Variants in EFL1 observed in about 807,000 individuals in gnomAD.
EFL1 encodes the protein elongation factor-like GTPase 1.
In EFL1, 76 loss-of-function variants were observed where a neutral mutation model predicts 126.7. The observed-to-expected ratio is 0.60, with a 90% CI of 0.50 to 0.73. The LOEUF (loss-of-function observed/expected upper bound fraction) is 0.73, where lower values mean the gene tolerates loss of function less well. Ranked by LOEUF, EFL1 falls within the 30% of genes least tolerant of loss-of-function variation. EFL1 has a pLI of 0.00. For missense variants in EFL1, 1,128 were observed against 1,343.2 expected (o/e 0.84, Z 2.50); for synonymous variants, 410 against 448.4 (o/e 0.91, Z 1.08).
intron 18 of EFL1, among the ~76,000 whole-genome samples, chr15:82,150,407 TTA>T (rs1307046623): frequency 6.6e-6 from 1 of 152,230 alleles, no homozygotes; most frequent in Non-Finnish European, 1.5e-5. Flanking sequence ...CAATCCTCCT[TTA>T]TATTCTCTTC....
At chr15:82,157,438 G>A (rs2073979583) in intron 17 of EFL1, 1 of 262,928 alleles carries the variant, frequency 3.8e-6, no homozygotes, top group Admixed American at 4.8e-5. Flanking sequence ...TATTTTGTGT[G>A]TTTTGTGTAC....
intron 18 of EFL1, among the ~76,000 whole-genome samples, chr15:82,145,303 CAAAA>C (rs59928134): frequency 2.1e-5 from 2 of 96,492 alleles, no homozygotes; most frequent in Non-Finnish European, 4.3e-5. Context: ...AACTCTGTCT[CAAAA>C]AAAAAAAAAA....
intron 15 of EFL1, among the ~76,000 whole-genome samples, chr15:82,174,058 G>A (rs887416081): frequency 6.6e-6 from 1 of 152,058 alleles, no homozygotes; most frequent in Non-Finnish European, 1.5e-5. Context: ...AGGTGGTGGC[G>A]GAAGCCTATA....
chr15:82,241,895 C>A (rs1294822729), intron 4 of EFL1, among the ~76,000 whole-genome samples: 1 of 152,186 alleles, frequency 6.6e-6, no homozygotes. Context: ...AAGATTTAGA[C>A]TCAATTCTAC....
chr15:82,239,935 T>C (rs1385530969), intron 6 of EFL1, among the ~76,000 whole-genome samples: 1 of 152,180 alleles, frequency 6.6e-6, no homozygotes, highest in African/African-American at 2.4e-5. Flanking sequence ...TCCAAATATC[T>C]CTTTGTCTCC....
intron 4 of EFL1, among the ~76,000 whole-genome samples, chr15:82,243,738 C>A (rs1185766160): frequency 6.9e-6 from 1 of 145,800 alleles, no homozygotes; most frequent in Admixed American, 6.9e-5. Context: ...GTCAGAAAAA[C>A]GAATACCTAT....
intron 2 of EFL1, among the ~76,000 whole-genome samples, chr15:82,260,877 T>C (rs147677794): frequency 1.3e-5 from 2 of 152,344 alleles, no homozygotes; most frequent in East Asian, 1.9e-4. Context: ...TTTTATTTCA[T>C]ATGCCCATCC....
Position 82,163,786 on chromosome 15 carries a change from T to C in EFL1, c.1882+67A>G, listed in dbSNP as rs1275956224. Reference sequence around the variant, plus strand: ...CTGAAACAAGTCATGAGGAATCAAATACTAAATACATGCATATGCTTTAAA... The same window carrying C: ...CTGAAACAAGTCATGAGGAATCAAACACTAAATACATGCATATGCTTTAAA... On this transcript the variant is annotated intron_variant, in intron 16 of 19. Coordinates refer to ENST00000268206, the MANE Select transcript of EFL1 (RefSeq NM_024580.6). The C allele has an allele frequency of 3.9e-6, 6 of 1,552,008 alleles. No individual in the cohort carries two copies. In the East Asian group the frequency reaches 1.4e-4, roughly 36 times the overall value.
At chr15:82,229,132 C>A in intron 8 of EFL1, 22 bp from the exon 9 acceptor site, 1 of 1,583,726 alleles carries the variant, frequency 6.3e-7, no homozygotes, top group Admixed American at 1.8e-5. Flanking sequence ...AACATACGGG[C>A]TTAAGTTCCT....
intron 15 of EFL1, among the ~76,000 whole-genome samples, chr15:82,208,530 C>T (rs1417305486): frequency 6.6e-6 from 1 of 152,000 alleles, no homozygotes; most frequent in African/African-American, 2.4e-5. Flanking sequence ...TATTATGATA[C>T]CAAGAAACTA....
intron 14 of EFL1, among the ~76,000 whole-genome samples, chr15:82,218,955 G>T (rs28665836): frequency 0.45 from 68,349 of 151,742 alleles, 17,990 homozygotes; most frequent in African/African-American, 0.73. Flanking sequence ...GAGGAGCATG[G>T]GTTTTTGTGC....
chr15:82,253,040 G>C lies in EFL1; in HGVS notation c.160-265C>G, dbSNP rs370954029. On this transcript the variant is annotated intron_variant, in intron 3 of 19. Coordinates refer to ENST00000268206, the MANE Select transcript of EFL1 (RefSeq NM_024580.6). ...CAATACTTAAATTTTAACCTATATA[G>C]AGCCTTTTTTTTTTTTGAGACAGAG... Among the ~76,000 whole-genome samples, 3 of 150,150 alleles carry C rather than the reference G, an allele frequency of 2.0e-5. No homozygotes were observed. The South Asian group carries it at 6.3e-4, about 31-fold the overall frequency.
chr15:82,216,932 G>C (rs2074653593), intron 14 of EFL1, among the ~76,000 whole-genome samples: 1 of 151,862 alleles, frequency 6.6e-6, no homozygotes, highest in African/African-American at 2.4e-5. Context: ...AACTGACAAG[G>C]AATTAGTATC....
chr15:82,262,085 C>T, intron 1 of EFL1: 2 of 268,990 alleles, frequency 7.4e-6, no homozygotes, highest in Non-Finnish European at 7.1e-6. Flanking sequence ...ACCAGTAACC[C>T]TGCCGGTGGA....
chr15:82,198,898 G>T (rs1375008396), intron 15 of EFL1, among the ~76,000 whole-genome samples: 2 of 152,058 alleles, frequency 1.3e-5, no homozygotes, highest in Middle Eastern at 3.2e-3. Flanking sequence ...CCCAGTATGA[G>T]AAACCTAACC....
chr15:82,225,178 G>C lies in EFL1; in HGVS notation c.1279C>G (p.Gln427Glu), dbSNP rs1384843755. The C allele has an allele frequency of 6.2e-7, 1 of 1,609,198 alleles. No individual in the cohort carries two copies. The highest frequency in any genetic ancestry group is 1.1e-5 in the South Asian group (1 of 90,190). Reference protein sequence around the residue: ...MFAVDAKALPQNKPRPLTQEE... With the variant: ...MFAVDAKALPENKPRPLTQEE... Reference sequence around the variant, plus strand: ...CCTTTCCCTTACCTTGGCTTATTCTGAGGCAAGGCCTTAGCATCAACTGCA... The same window carrying C: ...CCTTTCCCTTACCTTGGCTTATTCTCAGGCAAGGCCTTAGCATCAACTGCA... The change falls in exon 12 of 20, where the codon CAG becomes GAG. Residue 427 changes from glutamine to glutamate, a missense_variant. Gln to Glu is a conservative substitution (Grantham distance 29, BLOSUM62 2). Around this residue, in one of 6 missense-constraint regions of EFL1, gnomAD observed 10 missense variants for 32.2 expected, o/e 0.31. Transcript: ENST00000268206.
chr15:82,175,311 A>G (rs1453412791), intron 15 of EFL1, among the ~76,000 whole-genome samples: 1 of 152,164 alleles, frequency 6.6e-6, no homozygotes, highest in Non-Finnish European at 1.5e-5. Context: ...CAATATTAGA[A>G]TGTTAACTAA....
chr15:82,227,117 G>A (rs958487997), intron 11 of EFL1, among the ~76,000 whole-genome samples: 1 of 152,182 alleles, frequency 6.6e-6, no homozygotes, highest in Non-Finnish European at 1.5e-5. Context: ...AGAACTGGAG[G>A]AAAAGAATTA....
At chr15:82,154,915 C>A (rs1362085999) in intron 17 of EFL1, among the ~76,000 whole-genome samples, 1 of 152,144 alleles carries the variant, frequency 6.6e-6, no homozygotes, top group Non-Finnish European at 1.5e-5. Flanking sequence ...GCATGCACCA[C>A]CTGCCCGATT....
Sources: allele counts gnomAD v4.1 joint callset (sites outside exome capture counted in the v4.1 genomes callset), GRCh38; gene constraint gnomAD v4.1.1; regional missense constraint gnomAD v4.1.1; transcripts MANE v1.5; gene names NCBI Gene and HGNC (gene_info 2026-07-23, HGNC 2026-07-21).